The following RP1 variants were observed in gnomAD, a reference collection of about 807,000 sequenced individuals.
RP1 encodes the protein oxygen-regulated protein 1.
In RP1, 16 loss-of-function variants were observed where a neutral mutation model predicts 14.8. The observed-to-expected ratio is 1.08, with a 90% CI of 0.73 to 1.65. The LOEUF (loss-of-function observed/expected upper bound fraction) is 1.65, where lower values mean the gene tolerates loss of function less well. RP1 is among the 40% of genes most tolerant of loss of function. The probability of loss-of-function intolerance (pLI) is 0.00; values close to 1 mark genes in which losing one functional copy is unlikely to be tolerated. For synonymous variants in RP1, 876 were observed against 883.6 expected, an observed-to-expected ratio of 0.99 and a Z score of 0.15; for missense variants, 2,631 against 2,535.0, an observed-to-expected ratio of 1.04 and a Z score of -0.81.
chr8:54,618,740 C>T (rs1193365482), intron 1 of RP1, among the ~76,000 whole-genome samples: 1 of 152,138 alleles, frequency 6.6e-6, no homozygotes, highest in African/African-American at 2.4e-5. Context: ...ACTGCAACAT[C>T]TGCCTCCTGG....
intron 3 of RP1, among the ~76,000 whole-genome samples, chr8:54,624,443 CAAAAAAAAAAAAAAAA>C (rs11332494): frequency 1.8e-5 from 1 of 56,596 alleles, no homozygotes; most frequent in African/African-American, 8.2e-5. Flanking sequence ...GACTCTGTCT[CAAAAAAAAAAAAAAAA>C]AAAAAAAAGA....
chr8:54,585,697 T>A (rs1804904717), intron 1 of RP1, among the ~76,000 whole-genome samples: 1 of 152,222 alleles, frequency 6.6e-6, no homozygotes, highest in Admixed American at 6.5e-5. Context: ...TGTTTATTTC[T>A]TTTTATTCTT....
At chr8:54,779,462 A>T (rs537187974) in intron 23 of RP1, among the ~76,000 whole-genome samples, 3 of 152,320 alleles carry the variant, frequency 2.0e-5, no homozygotes, top group Admixed American at 6.5e-5. Context: ...TTCAGTGGGT[A>T]GTTGCCAAGT....
chr8:54,798,293 T>C (rs1173027232), intron 24 of RP1, among the ~76,000 whole-genome samples: 8 of 152,126 alleles, frequency 5.3e-5, no homozygotes, highest in African/African-American at 1.9e-4. Flanking sequence ...ATTACAGGCA[T>C]GAACCACCAC....
intron 1 of RP1, among the ~76,000 whole-genome samples, chr8:54,609,604 T>G (rs780287195): frequency 5.5e-4 from 84 of 152,306 alleles, no homozygotes; most frequent in Non-Finnish European, 1.0e-3. Context: ...CTGGTCCTCC[T>G]TTCATTCCAC....
chr8:54,575,254 G>C (rs1362286133), intron 1 of RP1, among the ~76,000 whole-genome samples: 3 of 152,138 alleles, frequency 2.0e-5, no homozygotes, highest in African/African-American at 7.2e-5. Context: ...AGCTGTGAAG[G>C]GTCCTGATTT....
intron 23 of RP1, among the ~76,000 whole-genome samples, chr8:54,780,305 G>T (rs1417934867): frequency 1.3e-5 from 2 of 152,246 alleles, no homozygotes. Flanking sequence ...TGCAAGGGAA[G>T]AATGCTTGTC....
chr8:54,596,208 G>A (rs1219185866), intron 1 of RP1, among the ~76,000 whole-genome samples: 1 of 152,128 alleles, frequency 6.6e-6, no homozygotes, highest in Non-Finnish European at 1.5e-5. Context: ...AGTACATTTA[G>A]ATCGGTTTCA....
At chr8:54,738,239 G>T (rs911403667) in intron 18 of RP1, among the ~76,000 whole-genome samples, 1 of 152,078 alleles carries the variant, frequency 6.6e-6, no homozygotes, top group South Asian at 2.1e-4. Flanking sequence ...GAAGATAAGA[G>T]AAGTAAAAAA....
At chr8:54,857,086 G>A in exon 27 of RP1, 1 of 1,222,300 alleles carries the variant, frequency 8.2e-7, no homozygotes, top group South Asian at 4.1e-5. Context: ...GTTCTGATTA[G>A]TCATGATGGA....
chr8:54,845,156 A>G (rs1811884416), intron 25 of RP1, among the ~76,000 whole-genome samples: 1 of 152,202 alleles, frequency 6.6e-6, no homozygotes, highest in Non-Finnish European at 1.5e-5. Context: ...GGGAACAAGA[A>G]CAAAGTTAGG....
At chr8:54,814,008 G>A (rs1346156577) in intron 24 of RP1, among the ~76,000 whole-genome samples, 2 of 152,066 alleles carry the variant, frequency 1.3e-5, no homozygotes, top group Non-Finnish European at 2.9e-5. Context: ...TTGTAAATAG[G>A]GAGAATTATG....
rs149729066 is a variant in RP1, at chr8:54,769,704, C to A, written c.3249-37C>A. ...GAAATTAATTTTCTCTCTATTTTCT[C>A]CTCTCTCTTTCTTTCTCTCTCTCTC... is the stretch of plus-strand genomic sequence containing the variant. On this transcript the variant is annotated intron_variant, in intron 22 of 22. Transcript: ENST00000636932. 276 of 1,298,814 alleles carry A rather than the reference C, an allele frequency of 2.1e-4. No homozygotes were observed. In the East Asian group the frequency reaches 3.5e-3, roughly 17 times the overall value. 80.5% of individuals were successfully genotyped at this position (1,298,814 alleles called of 1,614,324 possible).
At position 54,857,884 on chromosome 8, in the gene RP1, C is replaced by T. The variant is rs545873221; in HGVS notation, c.4069+778C>T. Among the ~76,000 whole-genome samples, 4 of 152,282 alleles carry T rather than the reference C, an allele frequency of 2.6e-5. No homozygotes were observed. The South Asian group carries it at 8.3e-4, about 32-fold the overall frequency. ...ATCTTTCCTACTGGCTCCCTTAGAG[C>T]TATTAAATTCAAACTTCAGTTCTAC... On this transcript the variant is annotated intron_variant, in intron 27 of 28. Coordinates refer to the RP1 transcript ENST00000637698.
intron 27 of RP1, among the ~76,000 whole-genome samples, chr8:54,858,890 G>T (rs561119267): frequency 6.6e-6 from 1 of 152,214 alleles, no homozygotes; most frequent in Admixed American, 6.5e-5. Flanking sequence ...TGATGTTACT[G>T]TAGAGGAGTG....
intron 24 of RP1, among the ~76,000 whole-genome samples, chr8:54,801,197 T>C (rs1239699569): frequency 1.3e-5 from 2 of 152,210 alleles, no homozygotes; most frequent in African/African-American, 2.4e-5. Context: ...CTTGGGTCTG[T>C]CTACCTGGCT....
At chr8:54,746,940 T>C (rs1392557018) in intron 19 of RP1, among the ~76,000 whole-genome samples, 4 of 152,210 alleles carry the variant, frequency 2.6e-5, no homozygotes, top group African/African-American at 9.7e-5. Context: ...GAAGATGGTG[T>C]CAGTGTCTAC....
intron 24 of RP1, among the ~76,000 whole-genome samples, chr8:54,835,310 T>C (rs1457438517): frequency 1.3e-5 from 2 of 152,218 alleles, no homozygotes; most frequent in Non-Finnish European, 2.9e-5. Context: ...GCACTAGCCA[T>C]GCTGTAGTAC....
At chr8:54,814,911 G>A (rs1025050551) in intron 24 of RP1, among the ~76,000 whole-genome samples, 3 of 152,270 alleles carry the variant, frequency 2.0e-5, no homozygotes, top group Non-Finnish European at 4.4e-5. Flanking sequence ...GAATTTTGTC[G>A]TTTGTGAGAA....
Sources: allele counts gnomAD v4.1 joint callset (sites outside exome capture counted in the v4.1 genomes callset), GRCh38; gene constraint gnomAD v4.1.1; transcripts MANE v1.5; gene names NCBI Gene and HGNC (gene_info 2026-07-23, HGNC 2026-07-21).